MUC7: variants seen among roughly 807,000 people sequenced by gnomAD.
The protein encoded by MUC7 is mucin-7.
In MUC7, 2 loss-of-function variants were observed where a neutral mutation model predicts 2.5. The ratio of observed to expected loss-of-function variants is 0.81; its 90% CI spans 0.33 to 2.55. MUC7 has a LOEUF of 2.55. Ranked by LOEUF, MUC7 falls within the 30% of genes most tolerant of loss-of-function variation. MUC7 has a pLI of 0.11. For missense variants in MUC7, 408 were observed against 455.6 expected, an observed-to-expected ratio of 0.90 and a Z score of 0.95; for synonymous variants, 133 against 173.4, an observed-to-expected ratio of 0.77 and a Z score of 1.83.
chr4:70,466,623 TA>T (rs1734691050), intron 1 of MUC7, among the ~76,000 whole-genome samples: 2 of 151,202 alleles, frequency 1.3e-5, no homozygotes, highest in Admixed American at 1.3e-4. Context: ...TAGTCTCTGA[TA>T]AAACAGACTT....
chr4:70,444,386 C>G (rs144029857), intron 1 of MUC7, among the ~76,000 whole-genome samples: 12 of 152,296 alleles, frequency 7.9e-5, no homozygotes, highest in African/African-American at 2.6e-4. Flanking sequence ...CAAGACAACA[C>G]AAGTCACTAC....
At chr4:70,462,217 AAAAG>A (rs967931558) in intron 1 of MUC7, among the ~76,000 whole-genome samples, 5 of 38,786 alleles carry the variant, frequency 1.3e-4, no homozygotes, top group African/African-American at 4.4e-4. Context: ...GTCTTAAAAA[AAAAG>A]AAAGAGAGAG....
At chr4:70,460,089 G>T (rs1734517673) in intron 1 of MUC7, among the ~76,000 whole-genome samples, 1 of 151,934 alleles carries the variant, frequency 6.6e-6, no homozygotes, top group Non-Finnish European at 1.5e-5. Flanking sequence ...CTATGTCTCT[G>T]TCACGAAAAT....
chr4:70,445,799 G>A (rs1734119414), intron 1 of MUC7, among the ~76,000 whole-genome samples: 1 of 152,166 alleles, frequency 6.6e-6, no homozygotes, highest in African/African-American at 2.4e-5. Flanking sequence ...AACCTAACTT[G>A]CATATTCCAG....
intron 1 of MUC7, among the ~76,000 whole-genome samples, chr4:70,437,902 A>T (rs1349071150): frequency 1.3e-5 from 2 of 151,996 alleles, no homozygotes; most frequent in African/African-American, 4.8e-5. Flanking sequence ...CTTTACCCTC[A>T]CTAAGTCCTG....
chr4:70,459,346 C>T (rs753517174), intron 1 of MUC7, among the ~76,000 whole-genome samples: 11 of 152,126 alleles, frequency 7.2e-5, no homozygotes, highest in Non-Finnish European at 1.3e-4. Flanking sequence ...AACCAAACAC[C>T]GCATGTTCTC....
chr4:70,441,127 G>A (rs940459941), intron 1 of MUC7, among the ~76,000 whole-genome samples: 1 of 152,108 alleles, frequency 6.6e-6, no homozygotes, highest in South Asian at 2.1e-4. Flanking sequence ...GTATTTATAG[G>A]TTCTGGAAAT....
chr4:70,437,621 G>A (rs1733879624), intron 1 of MUC7, among the ~76,000 whole-genome samples: 1 of 152,186 alleles, frequency 6.6e-6, no homozygotes, highest in East Asian at 1.9e-4. Flanking sequence ...TCCAGGTATA[G>A]TCACTTCATG....
At chr4:70,447,249 A>T (rs1734168700) in intron 1 of MUC7, among the ~76,000 whole-genome samples, 1 of 152,126 alleles carries the variant, frequency 6.6e-6, no homozygotes, top group South Asian at 2.1e-4. Context: ...TCATACATAA[A>T]ATGGGGATAA....
In MUC7 at chr4:70,433,766, A is replaced by C. The variant is rs1733746068; in HGVS notation, c.-93+3079A>C. Reference sequence around the variant, plus strand: ...GCCAGAACTTCCAACACTATGTTGAATAGGAGTGGTGAGAGAGGGTATCCC... The same window carrying C: ...GCCAGAACTTCCAACACTATGTTGACTAGGAGTGGTGAGAGAGGGTATCCC... On this transcript the variant is annotated intron_variant, in intron 1 of 3. Coordinates refer to the MUC7 transcript ENST00000413702. Among the ~76,000 whole-genome samples, 3 of 152,310 alleles carry C rather than the reference A, an allele frequency of 2.0e-5. No individual in the cohort carries two copies. The South Asian group carries it at 6.2e-4, about 32-fold the overall frequency.
chr4:70,450,559 A>T (rs1005356216), intron 1 of MUC7, among the ~76,000 whole-genome samples: 1 of 152,130 alleles, frequency 6.6e-6, no homozygotes, highest in Admixed American at 6.5e-5. Flanking sequence ...GCTGAGTATC[A>T]CCTGAAGCCA....
chr4:70,465,889 T>C (rs1734672032), intron 1 of MUC7, among the ~76,000 whole-genome samples: 1 of 152,018 alleles, frequency 6.6e-6, no homozygotes, highest in Admixed American at 6.6e-5. Context: ...ATTCAGGAAA[T>C]ACAGAGAACA....
At chr4:70,435,922 GC>G (rs1733820171) in intron 1 of MUC7, among the ~76,000 whole-genome samples, 1 of 152,114 alleles carries the variant, frequency 6.6e-6, no homozygotes, top group Admixed American at 6.6e-5. Flanking sequence ...CTTCACATTT[GC>G]TTGTCTGTAA....
At chr4:70,478,950 A>G (rs1001254855) in intron 2 of MUC7, among the ~76,000 whole-genome samples, 2 of 152,204 alleles carry the variant, frequency 1.3e-5, no homozygotes, top group African/African-American at 2.4e-5. Context: ...TATGTTAGCT[A>G]TTGGTTGTTC....
intron 1 of MUC7, among the ~76,000 whole-genome samples, chr4:70,447,244 C>T (rs1734168482): frequency 6.6e-6 from 1 of 152,104 alleles, no homozygotes; most frequent in African/African-American, 2.4e-5. Flanking sequence ...CTTTTTCATA[C>T]ATAAAATGGG....
intron 1 of MUC7, among the ~76,000 whole-genome samples, chr4:70,454,736 G>T (rs1298782845): frequency 6.6e-6 from 1 of 152,110 alleles, no homozygotes; most frequent in African/African-American, 2.4e-5. Context: ...AGGCCATCTT[G>T]GTCCACCCCT....
At chr4:70,432,888 T>A (rs537059320) in intron 1 of MUC7, among the ~76,000 whole-genome samples, 13 of 152,330 alleles carry the variant, frequency 8.5e-5, no homozygotes, top group African/African-American at 3.1e-4. Flanking sequence ...CTTTAATCCA[T>A]CTTGAATTAA....
upstream of MUC7, among the ~76,000 whole-genome samples, chr4:70,470,407 A>T (rs7695818): frequency 0.2 from 30,492 of 152,138 alleles, 3,621 homozygotes; most frequent in African/African-American, 0.32. Context: ...TATAATTTTT[A>T]AAAAATTAAA....
chr4:70,434,377 A>G (rs1169126688), intron 1 of MUC7, among the ~76,000 whole-genome samples: 1 of 152,160 alleles, frequency 6.6e-6, no homozygotes, highest in African/African-American at 2.4e-5. Flanking sequence ...TAAGCTATTA[A>G]TTATTGCCTC....
Sources: allele counts gnomAD v4.1 joint callset (sites outside exome capture counted in the v4.1 genomes callset), GRCh38; gene constraint gnomAD v4.1.1; transcripts MANE v1.5; gene names NCBI Gene and HGNC (gene_info 2026-07-23, HGNC 2026-07-21).